The following SPOPL variants were observed in gnomAD, a reference collection of about 807,000 sequenced individuals.
SPOPL encodes the protein speckle type BTB/POZ protein like.
In SPOPL, 23 loss-of-function variants were observed where a neutral mutation model predicts 53.8. That is an observed-to-expected ratio of 0.43 (90% CI 0.31 to 0.61). The LOEUF (loss-of-function observed/expected upper bound fraction) is 0.61. Ranked by LOEUF, SPOPL falls within the 20% of genes least tolerant of loss-of-function variation. The pLI is 0.12. For missense variants in SPOPL, 442 were observed against 466.9 expected (o/e 0.95, Z 0.49); for synonymous variants, 164 against 149.7 (o/e 1.10, Z -0.70).
chr2:138,521,045 T>TA (rs1684546491), intron 1 of SPOPL, among the ~76,000 whole-genome samples: 1 of 152,318 alleles, frequency 6.6e-6, no homozygotes, highest in Non-Finnish European at 1.5e-5. Flanking sequence ...ATGATGATTG[T>TA]AAAAAATGGT....
chr2:138,502,476 C>T (rs1433491456), intron 1 of SPOPL, among the ~76,000 whole-genome samples: 2 of 152,216 alleles, frequency 1.3e-5, no homozygotes, highest in Non-Finnish European at 2.9e-5. Flanking sequence ...CCACACCTGC[C>T]CCTTTTTACC....
At chr2:138,548,333 G>A (rs1054509262) in intron 1 of SPOPL, among the ~76,000 whole-genome samples, 1 of 145,384 alleles carries the variant, frequency 6.9e-6, no homozygotes, top group Non-Finnish European at 1.5e-5. Context: ...TGAAATCAAT[G>A]CAAGTTGCCA....
rs963524523 is a variant in SPOPL at position 138,571,638 on chromosome 2, C to G, written c.*2558C>G. 4.2e-4 allele frequency: 64 copies of G among 152,500 alleles called. No homozygotes were observed. Among genetic ancestry groups the G allele is most frequent in the African/African-American group, 1.5e-3 (63 of 41,430 alleles). 9.4% of individuals were successfully genotyped at this position (152,500 alleles called of 1,614,324 possible). On this transcript the variant is annotated 3_prime_UTR_variant, in exon 11 of 11. Coordinates refer to ENST00000280098, the MANE Select transcript of SPOPL (RefSeq NM_001001664.3). ...ACATGAGTGCTCTAATAGCCTCCTT[C>G]TCCTCATTTTTAAACTGCATACATT...
At chr2:138,558,951 A>G (rs1685484333) in intron 5 of SPOPL, 71 bp from the exon 6 acceptor site, 1 of 1,288,802 alleles carries the variant, frequency 7.8e-7, no homozygotes, top group Non-Finnish European at 1.0e-6. Context: ...TAAAAAATTG[A>G]AGTATGGACT....
At chr2:138,528,679 A>G (rs776431680) in intron 1 of SPOPL, among the ~76,000 whole-genome samples, 3 of 152,232 alleles carry the variant, frequency 2.0e-5, no homozygotes, top group Non-Finnish European at 4.4e-5. Flanking sequence ...TTTGTCACAT[A>G]TGAATTGATA....
intron 1 of SPOPL, among the ~76,000 whole-genome samples, chr2:138,516,207 C>G (rs949552886): frequency 6.6e-6 from 1 of 151,860 alleles, no homozygotes; most frequent in Non-Finnish European, 1.5e-5. Context: ...AGGATGGTTG[C>G]GGTAAAAGAA....
At chr2:138,515,581 A>C (rs1369991782) in intron 1 of SPOPL, among the ~76,000 whole-genome samples, 1 of 152,184 alleles carries the variant, frequency 6.6e-6, no homozygotes, top group Non-Finnish European at 1.5e-5. Context: ...TTGTAGTGAA[A>C]ATCCAAGAGT....
At chr2:138,547,209 G>A (rs376812177) in intron 1 of SPOPL, among the ~76,000 whole-genome samples, 5 of 152,126 alleles carry the variant, frequency 3.3e-5, no homozygotes, top group East Asian at 3.9e-4. Context: ...CAAGTGATCC[G>A]CTTGCCTCAG....
At position 138,548,650 on chromosome 2, in the gene SPOPL, C is replaced by G. The variant is rs570886450; in HGVS notation, c.-60-1507C>G. ...TTCCTGTGAGTTATTTGCTTATTTT[C>G]TTATTTGTAAAAATTCTTCATATAT... is the stretch of plus-strand genomic sequence containing the variant. On this transcript the variant is annotated intron_variant, in intron 1 of 10. Coordinates refer to ENST00000280098, the MANE Select transcript of SPOPL (RefSeq NM_001001664.3). Among the ~76,000 whole-genome samples the G allele has an allele frequency of 2.6e-5, 4 of 151,566 alleles. No individual in the cohort carries two copies. In the South Asian group the frequency reaches 8.3e-4, roughly 32 times the overall value.
Position 138,505,594 on chromosome 2 carries a change from T to TAAAAAAAA in SPOPL, c.-61+3496_-61+3503dup, listed in dbSNP as rs1169614974. 1.7e-3 allele frequency among the ~76,000 whole-genome samples: 129 copies of TAAAAAAAA among 75,088 alleles called. 6 individuals are homozygous for TAAAAAAAA. The highest frequency in any genetic ancestry group is 8.9e-3 in the African/African-American group (127 of 14,220). The allele number at this position is 75,088 out of a possible 152,430, so 49.3% of individuals were successfully genotyped here. A position where few individuals can be genotyped will look rare whatever the true frequency, so the allele number is the denominator to read the frequency against. On this transcript the variant is annotated intron_variant, in intron 1 of 10. Coordinates refer to ENST00000280098, the MANE Select transcript of SPOPL (RefSeq NM_001001664.3). Reference sequence around the variant, plus strand: ...CAACATGGTGAAACTGTGTCTCTTCTAAAAAAAAAAAAAAAAAAAAAAAAA... The same window carrying TAAAAAAAA: ...CAACATGGTGAAACTGTGTCTCTTCTAAAAAAAAAAAAAAAAAAAAAAAAAAAAAAAAA...
intron 1 of SPOPL, among the ~76,000 whole-genome samples, chr2:138,507,442 G>GA (rs1314923739): frequency 6.6e-6 from 1 of 152,194 alleles, no homozygotes; most frequent in East Asian, 1.9e-4. Flanking sequence ...TTTCTTGTGT[G>GA]ATTAGTGCTG....
chr2:138,555,905 A>G (rs570865088), intron 5 of SPOPL, among the ~76,000 whole-genome samples: 17 of 152,194 alleles, frequency 1.1e-4, no homozygotes, highest in African/African-American at 3.9e-4. Flanking sequence ...TGAAAGAAGC[A>G]TAACTTTGAC....
chr2:138,550,249 A>G lies in SPOPL; in HGVS notation c.33A>G (p.Gly11=). 6.2e-7 allele frequency: 1 copy of G among 1,613,648 alleles called. No homozygotes were observed. Among genetic ancestry groups the G allele is most frequent in the East Asian group, 2.2e-5 (1 of 44,856 alleles). MSREPTPPLP[G]DMSTGPIAES... ...GGGAACCCACCCCACCTCTACCTGGAGATATGTCTACTGGTCCCATAGCAG... is the reference window on the plus strand; with the variant it reads ...GGGAACCCACCCCACCTCTACCTGGGGATATGTCTACTGGTCCCATAGCAG... The change falls in exon 2 of 11, where the codon GGA becomes GGG. Residue 11 remains glycine, a synonymous_variant. Coordinates refer to ENST00000280098, the MANE Select transcript of SPOPL (RefSeq NM_001001664.3).
intron 1 of SPOPL, among the ~76,000 whole-genome samples, chr2:138,524,351 A>G (rs776964726): frequency 1.3e-5 from 2 of 152,188 alleles, no homozygotes; most frequent in Admixed American, 6.5e-5. Context: ...CTGAACCTCC[A>G]GGCCTGAGAT....
At chr2:138,514,837 T>C (rs140485818) in intron 1 of SPOPL, among the ~76,000 whole-genome samples, 121 of 152,332 alleles carry the variant, frequency 7.9e-4, no homozygotes, top group African/African-American at 2.8e-3. Context: ...TGAGAATTTC[T>C]AGTTGTCCCA....
At chr2:138,517,975 G>T (rs1433479746) in intron 1 of SPOPL, among the ~76,000 whole-genome samples, 1 of 150,088 alleles carries the variant, frequency 6.7e-6, no homozygotes, top group Non-Finnish European at 1.5e-5. Flanking sequence ...TTGAACCTAG[G>T]AGGCGGAGGT....
chr2:138,531,413 C>T (rs751654653), intron 1 of SPOPL, among the ~76,000 whole-genome samples: 1 of 152,034 alleles, frequency 6.6e-6, no homozygotes, highest in Non-Finnish European at 1.5e-5. Context: ...TTTTACATTA[C>T]TGTTGGCATG....
At chr2:138,558,429 C>T (rs1043809760) in intron 5 of SPOPL, among the ~76,000 whole-genome samples, 1 of 151,974 alleles carries the variant, frequency 6.6e-6, no homozygotes, top group Non-Finnish European at 1.5e-5. Context: ...ATTACAGTTG[C>T]TTTTGTGGAA....
At chr2:138,513,099 A>G (rs1684361930) in intron 1 of SPOPL, among the ~76,000 whole-genome samples, 1 of 152,196 alleles carries the variant, frequency 6.6e-6, no homozygotes, top group East Asian at 1.9e-4. Context: ...TTGATGTTAA[A>G]ATTCTTTTCA....
Sources: allele counts gnomAD v4.1 joint callset (sites outside exome capture counted in the v4.1 genomes callset), GRCh38; gene constraint gnomAD v4.1.1; transcripts MANE v1.5; gene names NCBI Gene and HGNC (gene_info 2026-07-23, HGNC 2026-07-21).